The following ARHGAP10 variants were observed in gnomAD, a reference collection of about 807,000 sequenced individuals.
ARHGAP10 encodes the protein Rho GTPase activating protein 10, also known as rho GTPase-activating protein 10.
Under a neutral mutation model 108.6 loss-of-function variants are expected in ARHGAP10, and 87 were observed. That is an observed-to-expected ratio of 0.80 (90% CI 0.67 to 0.96). ARHGAP10 has a LOEUF of 0.96. Among genes scored for constraint, ARHGAP10 ranks in the 40% least tolerant of loss-of-function variants. The probability of loss-of-function intolerance (pLI) is 0.00; values close to 1 mark genes in which losing one functional copy is unlikely to be tolerated. For missense variants in ARHGAP10, 939 were observed against 954.5 expected (o/e 0.98, Z 0.21); for synonymous variants, 347 against 341.1 (o/e 1.02, Z -0.19).
chr4:147,910,900 C>G (rs1159872353), intron 12 of ARHGAP10, among the ~76,000 whole-genome samples: 3 of 152,124 alleles, frequency 2.0e-5, no homozygotes, highest in Non-Finnish European at 4.4e-5. Context: ...CAGGATGCCA[C>G]AAGCAGCACA....
At chr4:147,849,803 G>T (rs1733785310) in intron 4 of ARHGAP10, among the ~76,000 whole-genome samples, 1 of 152,120 alleles carries the variant, frequency 6.6e-6, no homozygotes, top group Non-Finnish European at 1.5e-5. Context: ...CTTATATTTG[G>T]ATATGCTCTC....
At chr4:147,951,152 A>G (rs1293499027) in intron 15 of ARHGAP10, among the ~76,000 whole-genome samples, 1 of 152,202 alleles carries the variant, frequency 6.6e-6, no homozygotes, top group Non-Finnish European at 1.5e-5. Context: ...TGGCAATGAT[A>G]TAAGTAACTT....
At chr4:148,041,998 A>C (rs2149676864) in intron 19 of ARHGAP10, among the ~76,000 whole-genome samples, 1 of 152,312 alleles carries the variant, frequency 6.6e-6, no homozygotes, top group Non-Finnish European at 1.5e-5. Context: ...TCAGATCAAT[A>C]AAACTATCCC....
intron 18 of ARHGAP10, among the ~76,000 whole-genome samples, chr4:148,002,252 A>G (rs568254260): frequency 6.6e-6 from 1 of 152,204 alleles, no homozygotes; most frequent in Non-Finnish European, 1.5e-5. Context: ...CTTGCATCCC[A>G]GGGATGAAGT....
At chr4:147,867,658 G>A (rs1211326217) in intron 7 of ARHGAP10, among the ~76,000 whole-genome samples, 5 of 151,130 alleles carry the variant, frequency 3.3e-5, no homozygotes, top group Middle Eastern at 3.4e-3. Flanking sequence ...GAGGTCAAGA[G>A]ATTGAGACCA....
At chr4:147,838,888 T>A (rs971305968) in intron 3 of ARHGAP10, among the ~76,000 whole-genome samples, 5 of 152,224 alleles carry the variant, frequency 3.3e-5, no homozygotes, top group Non-Finnish European at 5.9e-5. Flanking sequence ...TTTTTGTAAC[T>A]TAGTCCTGTT....
intron 13 of ARHGAP10, among the ~76,000 whole-genome samples, chr4:147,930,709 T>C (rs1456708050): frequency 6.6e-6 from 1 of 152,230 alleles, no homozygotes; most frequent in Non-Finnish European, 1.5e-5. Flanking sequence ...GTTTACCATT[T>C]CTATTTTTTA....
At chr4:147,748,729 G>T (rs1227067281) in intron 1 of ARHGAP10, among the ~76,000 whole-genome samples, 1 of 152,156 alleles carries the variant, frequency 6.6e-6, no homozygotes, top group Non-Finnish European at 1.5e-5. Flanking sequence ...CCAGCAATTT[G>T]GGAGGCTGAG....
At chr4:148,004,960 A>G (rs1183397765) in intron 18 of ARHGAP10, among the ~76,000 whole-genome samples, 2 of 152,242 alleles carry the variant, frequency 1.3e-5, no homozygotes, top group Non-Finnish European at 2.9e-5. Flanking sequence ...GTTGCACAGC[A>G]ATAGAAAACT....
intron 19 of ARHGAP10, among the ~76,000 whole-genome samples, chr4:148,026,522 A>T (rs776978054): frequency 1.6e-4 from 25 of 152,220 alleles, no homozygotes; most frequent in Non-Finnish European, 2.5e-4. Flanking sequence ...GTGTATGCTC[A>T]TTATTTTTCT....
At chr4:147,967,435 C>T (rs1191665513) in intron 18 of ARHGAP10, among the ~76,000 whole-genome samples, 2 of 152,148 alleles carry the variant, frequency 1.3e-5, no homozygotes, top group African/African-American at 4.8e-5. Flanking sequence ...TTCAAATATG[C>T]TTAGGCATTG....
At chr4:147,759,666 T>C (rs1729517481) in intron 1 of ARHGAP10, among the ~76,000 whole-genome samples, 1 of 150,314 alleles carries the variant, frequency 6.7e-6, no homozygotes, top group South Asian at 2.2e-4. Flanking sequence ...TATTTCAACG[T>C]GTAACCAGCA....
chr4:147,878,283 G>A (rs1323734573), intron 8 of ARHGAP10, among the ~76,000 whole-genome samples: 1 of 152,132 alleles, frequency 6.6e-6, no homozygotes, highest in African/African-American at 2.4e-5. Context: ...TTTTAGTAGA[G>A]ACAGGGTTTC....
intron 1 of ARHGAP10, among the ~76,000 whole-genome samples, chr4:147,796,283 G>C (rs957446575): frequency 2.0e-5 from 3 of 152,096 alleles, no homozygotes; most frequent in African/African-American, 7.2e-5. Flanking sequence ...CTTGCCCTTG[G>C]GGAATATATA....
intron 3 of ARHGAP10, among the ~76,000 whole-genome samples, chr4:147,836,042 A>T (rs1733157501): frequency 6.6e-6 from 1 of 152,216 alleles, no homozygotes; most frequent in Admixed American, 6.5e-5. Context: ...AGTGTACTTA[A>T]AAACAAATCT....
At chr4:147,807,604 A>G (rs1731842466) in intron 1 of ARHGAP10, among the ~76,000 whole-genome samples, 1 of 152,214 alleles carries the variant, frequency 6.6e-6, no homozygotes, top group African/African-American at 2.4e-5. Flanking sequence ...GAGAGTTCAA[A>G]AGCATAATCC....
chr4:147,898,275 A>G (rs1434151469), intron 10 of ARHGAP10, among the ~76,000 whole-genome samples: 4 of 151,860 alleles, frequency 2.6e-5, no homozygotes, highest in South Asian at 4.2e-4. Flanking sequence ...TTCATTTTTG[A>G]TGGATATAGA....
At position 147,741,804 on chromosome 4, in the gene ARHGAP10, A is replaced by G. The variant is rs549861505; in HGVS notation, c.154+9349A>G. Reference sequence around the variant, plus strand: ...CACACACACACACGCACACACACACACACACACACACACACACACACACAC... The same window carrying G: ...CACACACACACACGCACACACACACGCACACACACACACACACACACACAC... On this transcript the variant is annotated intron_variant, in intron 1 of 22. Coordinates refer to ENST00000336498, the MANE Select transcript of ARHGAP10 (RefSeq NM_024605.4). Among the ~76,000 whole-genome samples the G allele has an allele frequency of 8.0e-3, 1,137 of 141,848 alleles. 7 individuals carry two copies. Among genetic ancestry groups the G allele is most frequent in the Admixed American group, 0.01 (150 of 14,496 alleles). 93.1% of individuals were successfully genotyped at this position (141,848 alleles called of 152,430 possible). A position where few individuals can be genotyped will look rare whatever the true frequency, so the allele number is the denominator to read the frequency against.
In ARHGAP10 at chr4:147,904,804, C is replaced by T. The variant is rs200364964; in HGVS notation, c.1035-1834C>T. ...TAGTTCTAGATCCCTGAGGAATCGC[C>T]ACACTGACTTCCACAATGGTTGAAC... On this transcript the variant is annotated intron_variant, in intron 10 of 22. Transcript: ENST00000336498. Among the ~76,000 whole-genome samples, 93 of 152,282 alleles carry T rather than the reference C, an allele frequency of 6.1e-4. 3 individuals are homozygous for T. The East Asian group carries it at 0.017, about 27-fold the overall frequency.
Sources: allele counts gnomAD v4.1 joint callset (sites outside exome capture counted in the v4.1 genomes callset), GRCh38; gene constraint gnomAD v4.1.1; transcripts MANE v1.5; gene names NCBI Gene and HGNC (gene_info 2026-07-23, HGNC 2026-07-21).